STAT1: variants seen among roughly 807,000 people sequenced by gnomAD.
The protein encoded by STAT1 is signal transducer and activator of transcription 1.
In STAT1, 24 loss-of-function variants were observed where a neutral mutation model predicts 111.7. The observed-to-expected ratio is 0.21, with a 90% CI of 0.16 to 0.30. STAT1 has a LOEUF of 0.30. Among genes scored for constraint, STAT1 ranks in the 10% least tolerant of loss-of-function variants. The pLI is 1.00. For synonymous variants in STAT1, 332 were observed against 326.5 expected (o/e 1.02, Z -0.18); for missense variants, 351 against 911.9 (o/e 0.38, Z 7.92).
Position 190,971,575 on chromosome 2 carries a change from C to CT in STAT1, c.2239-859dup, listed in dbSNP as rs1187943187. On this transcript the variant is annotated intron_variant, in intron 24 of 24. Transcript: ENST00000361099. This position sits in a 1 kb window ranked among gnomAD's most constrained non-coding sequence, Gnocchi z 4.1. ...ACTAGACTGGAAAGCCTCTGGAGAA[C>CT]TTTTTTTTAATCCCAAGTGCTCAAT... Among the ~76,000 whole-genome samples the CT allele has an allele frequency of 6.6e-6, 1 of 152,050 alleles. No individual in the cohort carries two copies. Among genetic ancestry groups the CT allele is most frequent in the Non-Finnish European group, 1.5e-5 (1 of 68,004 alleles).
Position 190,998,402 on chromosome 2 carries a change from G to T in STAT1, c.542-94C>A. 1 of 1,030,932 alleles carries T rather than the reference G, an allele frequency of 9.7e-7. No homozygotes were observed. Among genetic ancestry groups the T allele is most frequent in the Non-Finnish European group, 1.5e-6 (1 of 661,812 alleles). 63.9% of individuals were successfully genotyped at this position (1,030,932 alleles called of 1,614,324 possible). A position where few individuals can be genotyped will look rare whatever the true frequency, so the allele number is the denominator to read the frequency against. ...AATTTAGGATAAATATGACACAAAT[G>T]CTGCCTAGTGACAGGTCAAAGTTTG... On this transcript the variant is annotated intron_variant, in intron 7 of 24. Transcript: ENST00000361099. This position sits in a 1 kb window ranked among gnomAD's most constrained non-coding sequence, Gnocchi z 4.1.
intron 10 of STAT1, among the ~76,000 whole-genome samples, chr2:190,994,039 A>C (rs940017459): frequency 3.3e-5 from 5 of 152,234 alleles, no homozygotes; most frequent in Admixed American, 6.5e-5. Context: ...TAGGCCACGA[A>C]GGGAGATAAC....
rs913469013 is a variant in STAT1 at position 190,986,463 on chromosome 2, C to G, written c.1221+391G>C. ...TGGGCAGGGCCACCAGGAAGGGGAA[C>G]ACGGGGGCTGAGGAGTGAACCCTGG... On this transcript the variant is annotated intron_variant, in intron 14 of 24. Transcript: ENST00000361099. The surrounding 1 kb of genome is among the most constrained non-coding windows in gnomAD (Gnocchi z 5.0). Among the ~76,000 whole-genome samples the G allele has an allele frequency of 6.6e-6, 1 of 152,158 alleles. No homozygotes were observed. Among genetic ancestry groups the G allele is most frequent in the Non-Finnish European group, 1.5e-5 (1 of 68,014 alleles).
At position 190,980,594 on chromosome 2, in the gene STAT1, G is replaced by C. The variant is rs778675208; in HGVS notation, c.1632+26C>G. 2.7e-5 allele frequency: 43 copies of C among 1,612,764 alleles called. No homozygotes were observed. Among genetic ancestry groups the C allele is most frequent in the Non-Finnish European group, 3.6e-5 (43 of 1,178,854 alleles). ...CAACCAAGAGCAAAAAGGACTTAGA[G>C]AGCATAAAACCCAGACAGTCCTCAC... On this transcript the variant is annotated intron_variant, in intron 19 of 24. Transcript: ENST00000361099. The surrounding 1 kb of genome is among the most constrained non-coding windows in gnomAD (Gnocchi z 6.1).
chr2:191,010,015 A>G lies in STAT1; in HGVS notation c.-1-11T>C. The G allele has an allele frequency of 6.2e-7, 1 of 1,613,770 alleles. No homozygotes were observed. On this transcript the variant is annotated splice_polypyrimidine_tract_variant and intron_variant, in intron 2 of 24. Transcript: ENST00000361099. Reference sequence around the variant, plus strand: ...TACCACTGAGACATCCTATAGGGAAAAAGAATATACATTCTTTCTATGTAT... The same window carrying G: ...TACCACTGAGACATCCTATAGGGAAGAAGAATATACATTCTTTCTATGTAT...
Position 190,978,818 on chromosome 2 carries a change from A to T in STAT1, c.1873+38T>A, listed in dbSNP as rs759270868. The T allele has an allele frequency of 3.7e-6, 6 of 1,610,800 alleles. No individual in the cohort carries two copies. Among genetic ancestry groups the T allele is most frequent in the Admixed American group, 1.7e-5 (1 of 59,846 alleles). On this transcript the variant is annotated intron_variant, in intron 21 of 24. Transcript: ENST00000361099. This position sits in a 1 kb window ranked among gnomAD's most constrained non-coding sequence, Gnocchi z 6.1. ...GGCGATGAAGAGGGACTTCACACAC[A>T]TGGAATGGTGGGACTATGTGCTCAA...
At position 190,998,837 on chromosome 2, in the gene STAT1, A is replaced by C. The variant is rs750937191; in HGVS notation, c.542-529T>G. Among the ~76,000 whole-genome samples, 48 of 151,902 alleles carry C rather than the reference A, an allele frequency of 3.2e-4. 2 individuals carry two copies. Among genetic ancestry groups the C allele is most frequent in the Non-Finnish European group, 2.9e-4 (20 of 67,998 alleles). On this transcript the variant is annotated intron_variant, in intron 7 of 24. Coordinates refer to ENST00000361099, the MANE Select transcript of STAT1 (RefSeq NM_007315.4). The surrounding 1 kb of genome is among the most constrained non-coding windows in gnomAD (Gnocchi z 4.1). ...TTATAAAAATAAATGTAAATAATAA[A>C]ATGTTTTATCTGAACAGAATTCAGA...
intron 10 of STAT1, among the ~76,000 whole-genome samples, chr2:190,992,485 A>G (rs1268446683): frequency 6.6e-6 from 1 of 152,070 alleles, no homozygotes; most frequent in African/African-American, 2.4e-5. Flanking sequence ...AAAAAAAAAA[A>G]GTCAGTATTG....
Position 190,995,367 on chromosome 2 carries a change from T to C in STAT1, c.786-148A>G, listed in dbSNP as rs924017133. ...GAATTTATAAAGGAAAGAGGTTTAA[T>C]TGACACATAGTTCCACATGGCTGAG... is the stretch of plus-strand genomic sequence containing the variant. On this transcript the variant is annotated intron_variant, in intron 9 of 24. Coordinates refer to ENST00000361099, the MANE Select transcript of STAT1 (RefSeq NM_007315.4). The surrounding 1 kb of genome is among the most constrained non-coding windows in gnomAD (Gnocchi z 4.2). The C allele has an allele frequency of 1.1e-4, 94 of 872,778 alleles. No individual in the cohort carries two copies. The highest frequency in any genetic ancestry group is 1.6e-4 in the Non-Finnish European group (86 of 539,968). The allele number at this position is 872,778 out of a possible 1,614,324, so 54.1% of individuals were successfully genotyped here.
chr2:190,977,078 G>C lies in STAT1; in HGVS notation c.1874-53C>G. 6.3e-7 allele frequency: 1 copy of C among 1,576,458 alleles called. No individual in the cohort carries two copies. The highest frequency in any genetic ancestry group is 8.7e-7 in the Non-Finnish European group (1 of 1,146,462). ...CCATAGAACATCCCAAAATGAAAGA[G>C]GACAGAGAAATAAAACACTGCAGAG... On this transcript the variant is annotated intron_variant, in intron 21 of 24. Coordinates refer to ENST00000361099, the MANE Select transcript of STAT1 (RefSeq NM_007315.4). The surrounding 1 kb of genome is among the most constrained non-coding windows in gnomAD (Gnocchi z 4.7).
Position 190,981,054 on chromosome 2 carries a change from T to C in STAT1, c.1583-385A>G, listed in dbSNP as rs1365581454. ...CTCCTCTAAAGAGAGGACAGTCCTT[T>C]TAATGCCTCTTCATGTTACACTTCC... On this transcript the variant is annotated intron_variant, in intron 18 of 24. Transcript: ENST00000361099. The surrounding 1 kb of genome is among the most constrained non-coding windows in gnomAD (Gnocchi z 4.1). Among the ~76,000 whole-genome samples the C allele has an allele frequency of 9.3e-6, 1 of 107,998 alleles. No individual in the cohort carries two copies. Among genetic ancestry groups the C allele is most frequent in the Non-Finnish European group, 1.8e-5 (1 of 56,144 alleles). The allele number at this position is 107,998 out of a possible 152,430, so 70.9% of individuals were successfully genotyped here.
intron 2 of STAT1, 118 bp downstream of exon 2, chr2:191,013,407 T>G: frequency 2.6e-6 from 1 of 381,094 alleles, no homozygotes; most frequent in Non-Finnish European, 4.6e-6. Flanking sequence ...CTGCAAAAAC[T>G]AAACATCACT....
At position 190,970,648 on chromosome 2, in the gene STAT1, G is replaced by A. The variant is rs1691382007; in HGVS notation, c.*55C>T. 1 of 1,575,576 alleles carries A rather than the reference G, an allele frequency of 6.3e-7. No homozygotes were observed. Among genetic ancestry groups the A allele is most frequent in the African/African-American group, 1.3e-5 (1 of 74,170 alleles). ...TGTGAAGGAACAGAGTAGCAGGAGG[G>A]AATCACAGATGAGAAGGAAAACTGT... is the stretch of plus-strand genomic sequence containing the variant. On this transcript the variant is annotated 3_prime_UTR_variant, in exon 25 of 25. Coordinates refer to ENST00000361099, the MANE Select transcript of STAT1 (RefSeq NM_007315.4). The surrounding 1 kb of genome is among the most constrained non-coding windows in gnomAD (Gnocchi z 5.4).
intron 15 of STAT1, among the ~76,000 whole-genome samples, chr2:190,985,010 C>T (rs935274973): frequency 6.6e-6 from 1 of 152,238 alleles, no homozygotes; most frequent in Non-Finnish European, 1.5e-5. Context: ...TGTCCCGCTG[C>T]TCCATGTGAC....
chr2:191,009,815 C>T, intron 3 of STAT1, 61 bp downstream of exon 3: 1 of 1,604,954 alleles, frequency 6.2e-7, no homozygotes, highest in Non-Finnish European at 8.5e-7. Context: ...CCCCAAGTCA[C>T]TTAATCAACC....
Position 190,989,147 on chromosome 2 carries a change from T to A in STAT1, c.1097+468A>T, listed in dbSNP as rs1359581925. On this transcript the variant is annotated intron_variant, in intron 12 of 24. Transcript: ENST00000361099. The surrounding 1 kb of genome is among the most constrained non-coding windows in gnomAD (Gnocchi z 5.0). ...AAACCCCCAAATGACCACAGAATCA[T>A]GGCAGCCTGGACGTTCAGCCTCGGG... 6.6e-6 allele frequency among the ~76,000 whole-genome samples: 1 copy of A among 152,104 alleles called. No individual in the cohort carries two copies. The highest frequency in any genetic ancestry group is 1.5e-5 in the Non-Finnish European group (1 of 67,990).
Position 190,980,494 on chromosome 2 carries a change from C to A in STAT1, c.1632+126G>T. On this transcript the variant is annotated intron_variant, in intron 19 of 24. Transcript: ENST00000361099. The surrounding 1 kb of genome is among the most constrained non-coding windows in gnomAD (Gnocchi z 6.1). Reference sequence around the variant, plus strand: ...AAAAGTAAACAACTTGCCCGAGGGGCTCCTTGGCCAGAGAAGAACACGCCA... The same window carrying A: ...AAAAGTAAACAACTTGCCCGAGGGGATCCTTGGCCAGAGAAGAACACGCCA... 8.9e-7 allele frequency: 1 copy of A among 1,120,114 alleles called. No individual in the cohort carries two copies. Among genetic ancestry groups the A allele is most frequent in the Non-Finnish European group, 1.4e-6 (1 of 737,342 alleles). The allele number at this position is 1,120,114 out of a possible 1,614,324, so 69.4% of individuals were successfully genotyped here.
In STAT1 at chr2:190,996,755, G is replaced by A. The variant is rs114564704; in HGVS notation, c.785+1101C>T. Among the ~76,000 whole-genome samples the A allele has an allele frequency of 3.5e-3, 527 of 152,200 alleles. 6 individuals are homozygous for A. Among genetic ancestry groups the A allele is most frequent in the African/African-American group, 0.012 (503 of 41,520 alleles). The stretch of plus-strand genomic sequence containing the variant: ...AACTGGCAATATAGAAAATAACCTC[G>A]TGAGATCTCTGGTCCTTGGACCCTT... On this transcript the variant is annotated intron_variant, in intron 9 of 24. Transcript: ENST00000361099. The surrounding 1 kb of genome is among the most constrained non-coding windows in gnomAD (Gnocchi z 4.5).
Position 191,003,428 on chromosome 2 carries a change from G to A in STAT1, c.373-2265C>T, listed in dbSNP as rs551362869. On this transcript the variant is annotated intron_variant, in intron 5 of 24. Coordinates refer to ENST00000361099, the MANE Select transcript of STAT1 (RefSeq NM_007315.4). This position sits in a 1 kb window ranked among gnomAD's most constrained non-coding sequence, Gnocchi z 4.0. ...TGTCCCCACCCAAATCTCATGAATT[G>A]TAATCCCCATTGTTGGAGGTGGGGC... Among the ~76,000 whole-genome samples, 15 of 152,320 alleles carry A rather than the reference G, an allele frequency of 9.8e-5. No individual in the cohort carries two copies. The highest frequency in any genetic ancestry group is 3.1e-4 in the African/African-American group (13 of 41,570).
Sources: gnomAD v4.1 joint callset for allele counts (sites outside exome capture counted in the v4.1 genomes callset) on GRCh38, gnomAD v4.1.1 for gene constraint, Gnocchi (gnomAD v3.1) non-coding constraint, MANE v1.5 for transcripts, NCBI Gene and HGNC (gene_info 2026-07-23, HGNC 2026-07-21) for gene names.